ABAT: variants seen among roughly 807,000 people sequenced by gnomAD.
ABAT encodes the protein 4-aminobutyrate aminotransferase, also known as 4-aminobutyrate aminotransferase, mitochondrial.
Under a neutral mutation model 64.6 loss-of-function variants are expected in ABAT, and 45 were observed. The ratio of observed to expected loss-of-function variants is 0.70; its 90% CI spans 0.55 to 0.89. The LOEUF (loss-of-function observed/expected upper bound fraction) is 0.89, where lower values mean the gene tolerates loss of function less well. ABAT is among the 40% of genes least tolerant of loss of function. ABAT has a pLI of 0.00. For synonymous variants in ABAT, 297 were observed against 250.5 expected, an observed-to-expected ratio of 1.19 and a Z score of -1.75; for missense variants, 633 against 658.4, an observed-to-expected ratio of 0.96 and a Z score of 0.42.
chr16:8,780,315 G>C (rs149075968), intron 15 of ABAT: 1 of 162,326 alleles, frequency 6.2e-6, no homozygotes, highest in African/African-American at 2.4e-5. Flanking sequence ...GTGTGGCAGG[G>C]GTAAGGGCAG....
intron 2 of ABAT, among the ~76,000 whole-genome samples, chr16:8,744,715 A>C (rs1242107237): frequency 6.6e-6 from 1 of 151,748 alleles, no homozygotes; most frequent in Non-Finnish European, 1.5e-5. Flanking sequence ...TAAAAATACT[A>C]AAATTAGCCG....
chr16:8,688,860 G>A (rs1360470596), intron 1 of ABAT, among the ~76,000 whole-genome samples: 2 of 152,182 alleles, frequency 1.3e-5, no homozygotes, highest in Non-Finnish European at 2.9e-5. Flanking sequence ...GGTGGATCAC[G>A]AGGTCAGGAG....
At chr16:8,689,473 C>T (rs1230446365) in intron 1 of ABAT, among the ~76,000 whole-genome samples, 1 of 152,186 alleles carries the variant, frequency 6.6e-6, no homozygotes, top group Non-Finnish European at 1.5e-5. Context: ...ATGTATTGGG[C>T]TTCCAGTACA....
rs1413182796 is a variant in ABAT at position 8,779,594 on chromosome 16, A to G, written c.1381+4A>G. ...ATTTTAATTGCCAGAAACAAAGGTAAGGGGTCAGGAGTGGCTGCTGAGTTT... is the reference window on the plus strand; with the variant it reads ...ATTTTAATTGCCAGAAACAAAGGTAGGGGGTCAGGAGTGGCTGCTGAGTTT... On this transcript the variant is annotated splice_donor_region_variant and intron_variant, in intron 15 of 15. Transcript: ENST00000268251. The G allele has an allele frequency of 1.2e-6, 2 of 1,611,634 alleles. No homozygotes were observed. The highest frequency in any genetic ancestry group is 1.3e-5 in the African/African-American group (1 of 74,996).
intron 5 of ABAT, among the ~76,000 whole-genome samples, chr16:8,752,894 A>G (rs2059532192): frequency 6.6e-6 from 1 of 152,140 alleles, no homozygotes; most frequent in Non-Finnish European, 1.5e-5. Flanking sequence ...TTTACTATGC[A>G]CTTGGCATAT....
intron 1 of ABAT, among the ~76,000 whole-genome samples, chr16:8,691,981 C>G (rs565264107): frequency 6.6e-6 from 1 of 152,236 alleles, no homozygotes; most frequent in African/African-American, 2.4e-5. Flanking sequence ...GTTTCTGTTA[C>G]GAACCACACC....
At chr16:8,679,789 C>A (rs16964282) in intron 1 of ABAT, among the ~76,000 whole-genome samples, 1 of 152,066 alleles carries the variant, frequency 6.6e-6, no homozygotes, top group Admixed American at 6.5e-5. Flanking sequence ...CTCACTTCTT[C>A]ACTTTGCCCT....
At chr16:8,732,543 G>T (rs1232186590) in intron 1 of ABAT, among the ~76,000 whole-genome samples, 6 of 151,588 alleles carry the variant, frequency 4.0e-5, no homozygotes, top group Non-Finnish European at 8.8e-5. Flanking sequence ...TGGGGGTAAG[G>T]TCACAGATCA....
chr16:8,697,968 C>T (rs1303713893), intron 1 of ABAT, among the ~76,000 whole-genome samples: 1 of 152,082 alleles, frequency 6.6e-6, no homozygotes, highest in Non-Finnish European at 1.5e-5. Context: ...GGAGGTGATC[C>T]TTTGTACATT....
rs1271226343 is a variant in ABAT, at chr16:8,772,799, A to T, written c.836A>T (p.Lys279Ile). 2.5e-6 allele frequency: 4 copies of T among 1,614,132 alleles called. No individual in the cohort carries two copies. The highest frequency in any genetic ancestry group is 3.4e-6 in the Non-Finnish European group (4 of 1,180,022). Residue 279 changes from lysine (K) to isoleucine (I), a missense_variant, in exon 12 of 16, where the codon AAA (lysine) becomes ATA (isoleucine). Coordinates refer to ENST00000268251, the MANE Select transcript of ABAT (RefSeq NM_020686.6). Reference sequence around the variant, plus strand: ...ATCCAGGTGGAGGATCTGATTGTGAAATATCGGAAAAAGAAGAAGACGGTG... The same window carrying T: ...ATCCAGGTGGAGGATCTGATTGTGATATATCGGAAAAAGAAGAAGACGGTG... ...CLEEVEDLIV[K>I]YRKKKKTVAG...
intron 1 of ABAT, among the ~76,000 whole-genome samples, chr16:8,725,070 C>T (rs60959450): frequency 0.09 from 13,626 of 152,052 alleles, 741 homozygotes; most frequent in African/African-American, 0.14. Context: ...GCGCCTGCCA[C>T]CACGCCCGGC....
intron 11 of ABAT, among the ~76,000 whole-genome samples, chr16:8,770,831 G>A (rs118004393): frequency 0.017 from 2,623 of 152,172 alleles, 33 homozygotes; most frequent in South Asian, 0.046. Context: ...ATATTATCAC[G>A]TAAATGTGTA....
intron 1 of ABAT, among the ~76,000 whole-genome samples, chr16:8,684,906 A>G (rs371583441): frequency 2.6e-5 from 4 of 152,348 alleles, no homozygotes; most frequent in African/African-American, 9.6e-5. Flanking sequence ...GATTCAAAAC[A>G]GAGGCAAACA....
intron 1 of ABAT, among the ~76,000 whole-genome samples, chr16:8,705,851 G>T (rs1400287873): frequency 6.6e-6 from 1 of 152,202 alleles, no homozygotes; most frequent in African/African-American, 2.4e-5. Flanking sequence ...TATTGCTTGA[G>T]TGTAATTGTG....
chr16:8,734,378 C>T (rs1025380062), intron 1 of ABAT, among the ~76,000 whole-genome samples: 8 of 152,184 alleles, frequency 5.3e-5, no homozygotes, highest in African/African-American at 1.9e-4. Flanking sequence ...ACAAAGTCAG[C>T]ACTCAATGGA....
chr16:8,764,787 G>A lies in ABAT; in HGVS notation c.497G>A (p.Cys166Tyr). 6.2e-7 allele frequency: 1 copy of A among 1,614,086 alleles called. No homozygotes were observed. The highest frequency in any genetic ancestry group is 8.5e-7 in the Non-Finnish European group (1 of 1,180,018). ...CTCATCACCATGGCCTGCGGCTCCT[G>A]CTCCAATGAAAACGCCTTAAAGACC... ...SQLITMACGS[C>Y]SNENALKTIF... is the part of the protein sequence containing the mutation. Residue 166 changes from cysteine (C) to tyrosine (Y), a missense_variant, in exon 8 of 16, where the codon TGC (cysteine) becomes TAC (tyrosine). Cys to Tyr is a radical substitution (Grantham distance 194). Transcript: ENST00000268251. The surrounding 1 kb of genome is among the most constrained non-coding windows in gnomAD (Gnocchi z 4.2).
chr16:8,764,127 A>G lies in ABAT; in HGVS notation c.425A>G (p.Lys142Arg). Reference sequence around the variant, plus strand: ...CTGCCTCCGGAGAACTTTGTGGAGAAGCTCCGGCAGTCCTTGCTCTCGGTG... The same window carrying G: ...CTGCCTCCGGAGAACTTTGTGGAGAGGCTCCGGCAGTCCTTGCTCTCGGTG... ...GILPPENFVEKLRQSLLSVAP... is the reference protein window; with the variant it reads ...GILPPENFVERLRQSLLSVAP... The change falls in exon 7 of 16, where the codon AAG becomes AGG. Residue 142 changes from lysine (K) to arginine (R), a missense_variant. By Grantham distance (26) the Lys-to-Arg change is conservative. Coordinates refer to ENST00000268251, the MANE Select transcript of ABAT (RefSeq NM_020686.6). This position sits in a 1 kb window ranked among gnomAD's most constrained non-coding sequence, Gnocchi z 4.2. The G allele has an allele frequency of 6.2e-7, 1 of 1,613,402 alleles. No homozygotes were observed. The highest frequency in any genetic ancestry group is 8.5e-7 in the Non-Finnish European group (1 of 1,179,926).
intron 1 of ABAT, among the ~76,000 whole-genome samples, chr16:8,734,269 G>A (rs924136368): frequency 2.0e-5 from 3 of 152,136 alleles, no homozygotes; most frequent in Non-Finnish European, 4.4e-5. Context: ...CCTTGTTTAT[G>A]TTATGATTCA....
rs1264393384 is a variant in ABAT at position 8,783,777 on chromosome 16, CTT to C, written c.*2349_*2350del. The C allele has an allele frequency of 6.6e-6, 1 of 152,200 alleles. No homozygotes were observed. The highest frequency in any genetic ancestry group is 1.9e-4 in the East Asian group (1 of 5,200). The allele number at this position is 152,200 out of a possible 1,614,324, so 9.4% of individuals were successfully genotyped here. A position where few individuals can be genotyped will look rare whatever the true frequency, so the allele number is the denominator to read the frequency against. Reference sequence around the variant, plus strand: ...AGGGCACAACCAGAAAAGTGGCTCTCTTTGGTAGGGAGAGGGGCTCCAATATT... The same window carrying C: ...AGGGCACAACCAGAAAAGTGGCTCTCTGGTAGGGAGAGGGGCTCCAATATT... On this transcript the variant is annotated 3_prime_UTR_variant, in exon 16 of 16. Coordinates refer to ENST00000268251, the MANE Select transcript of ABAT (RefSeq NM_020686.6).
Sources: allele counts gnomAD v4.1 joint callset (sites outside exome capture counted in the v4.1 genomes callset), GRCh38; gene constraint gnomAD v4.1.1; non-coding constraint Gnocchi (gnomAD v3.1); transcripts MANE v1.5; gene names NCBI Gene and HGNC (gene_info 2026-07-23, HGNC 2026-07-21).